The following KCNIP1 variants were observed in gnomAD, a reference collection of about 807,000 sequenced individuals.
KCNIP1 encodes the protein potassium voltage-gated channel interacting protein 1, also known as A-type potassium channel modulatory protein KCNIP1.
KCNIP1 carries 18 observed loss-of-function variants against 33.0 expected under a neutral mutation model. The observed-to-expected ratio is 0.55, with a 90% CI of 0.38 to 0.81. The LOEUF is 0.81. Ranked by LOEUF, KCNIP1 falls within the 30% of genes least tolerant of loss-of-function variation. The pLI, the probability that KCNIP1 is intolerant of heterozygous loss-of-function variation, is 0.00. For synonymous variants in KCNIP1, 93 were observed against 98.3 expected (o/e 0.95, Z 0.32); for missense variants, 238 against 271.6 (o/e 0.88, Z 0.87).
intron 1 of KCNIP1, among the ~76,000 whole-genome samples, chr5:170,679,859 C>A (rs557814770): frequency 6.6e-6 from 1 of 151,836 alleles, no homozygotes; most frequent in African/African-American, 2.4e-5. Flanking sequence ...GTTTTCTCAC[C>A]GATGAGCATG....
At chr5:170,651,098 G>A (rs552787591) in intron 1 of KCNIP1, among the ~76,000 whole-genome samples, 1 of 152,268 alleles carries the variant, frequency 6.6e-6, no homozygotes, top group African/African-American at 2.4e-5. Context: ...CAGAGGGCGT[G>A]GACTATTCTT....
intron 1 of KCNIP1, among the ~76,000 whole-genome samples, chr5:170,371,366 T>A (rs1282672376): frequency 6.6e-6 from 1 of 152,138 alleles, no homozygotes; most frequent in Non-Finnish European, 1.5e-5. Flanking sequence ...GGGAGTCAAT[T>A]GAGAGCCTGG....
At chr5:170,710,503 A>G (rs980233995) in intron 1 of KCNIP1, among the ~76,000 whole-genome samples, 6 of 152,246 alleles carry the variant, frequency 3.9e-5, no homozygotes, top group South Asian at 2.1e-4. Context: ...GTCTCTTAAT[A>G]TGCCTGACAG....
intron 1 of KCNIP1, among the ~76,000 whole-genome samples, chr5:170,708,016 G>A (rs1027893241): frequency 2.0e-5 from 3 of 152,050 alleles, no homozygotes; most frequent in Non-Finnish European, 2.9e-5. Flanking sequence ...AGCACTCCTG[G>A]GGCTCATTGT....
rs80352000 is a variant in KCNIP1 at position 170,691,956 on chromosome 5, C to A, written c.62-26802C>A. 5.9e-3 allele frequency among the ~76,000 whole-genome samples: 897 copies of A among 152,288 alleles called. 9 individuals carry two copies. Among genetic ancestry groups the A allele is most frequent in the African/African-American group, 0.02 (847 of 41,542 alleles). ...TAATTATTGTTCCCTATGGGATATT[C>A]CCCACTGCTTCCTCCAATCCTCTTT... On this transcript the variant is annotated intron_variant, in intron 1 of 7. Transcript: ENST00000328939.
intron 1 of KCNIP1, among the ~76,000 whole-genome samples, chr5:170,632,974 G>A (rs1287251107): frequency 1.6e-5 from 2 of 127,984 alleles, no homozygotes; most frequent in Non-Finnish European, 3.6e-5. Context: ...GTTGAACCTG[G>A]AAGAGGCCAT....
At chr5:170,654,796 C>T (rs1233632180) in intron 1 of KCNIP1, among the ~76,000 whole-genome samples, 2 of 152,218 alleles carry the variant, frequency 1.3e-5, no homozygotes, top group African/African-American at 4.8e-5. Flanking sequence ...CTTGCATTCA[C>T]ATCATCTGGT....
At chr5:170,720,496 GAGA>G in intron 3 of KCNIP1, 106 bp downstream of exon 3, 1 of 888,700 alleles carries the variant, frequency 1.1e-6, no homozygotes, top group Non-Finnish European at 1.9e-6. Context: ...TCTCGAGGAA[GAGA>G]CAAACTCAGG....
At chr5:170,387,637 GC>G (rs1455404813) in intron 1 of KCNIP1, among the ~76,000 whole-genome samples, 1 of 152,146 alleles carries the variant, frequency 6.6e-6, no homozygotes, top group Non-Finnish European at 1.5e-5. Flanking sequence ...AGCAGAAATT[GC>G]CCCCGACAAA....
intron 1 of KCNIP1, among the ~76,000 whole-genome samples, chr5:170,552,010 A>T (rs1756664670): frequency 7.1e-6 from 1 of 141,296 alleles, no homozygotes; most frequent in African/African-American, 2.9e-5. Flanking sequence ...TGTGTGTGTG[A>T]GTGTGAGAGA....
intron 1 of KCNIP1, among the ~76,000 whole-genome samples, chr5:170,486,799 A>G (rs1348080990): frequency 6.6e-6 from 1 of 152,174 alleles, no homozygotes; most frequent in Non-Finnish European, 1.5e-5. Context: ...TGCCTGCCCC[A>G]GCCAGCTTTC....
intron 1 of KCNIP1, among the ~76,000 whole-genome samples, chr5:170,602,453 CA>C (rs1758732425): frequency 1.3e-5 from 2 of 152,210 alleles, no homozygotes; most frequent in African/African-American, 4.8e-5. Context: ...TGCCCAGTTA[CA>C]GCAGTTGGAA....
intron 5 of KCNIP1, among the ~76,000 whole-genome samples, chr5:170,731,901 A>AAG (rs1764217071): frequency 5.1e-5 from 1 of 19,548 alleles, no homozygotes; most frequent in Non-Finnish European, 1.1e-4. Context: ...AAAAAAAAAA[A>AAG]AGAAAAGCTG....
At chr5:170,494,667 C>T (rs539798756) in intron 1 of KCNIP1, among the ~76,000 whole-genome samples, 18 of 152,310 alleles carry the variant, frequency 1.2e-4, no homozygotes, top group African/African-American at 4.3e-4. Flanking sequence ...TCTTCACAGC[C>T]ACTCTTCTCT....
intron 1 of KCNIP1, among the ~76,000 whole-genome samples, chr5:170,426,502 A>G (rs79723897): frequency 0.11 from 16,680 of 152,298 alleles, 1,023 homozygotes; most frequent in Middle Eastern, 0.19. Context: ...TCCTAGATCC[A>G]GCAGTTACTG....
chr5:170,685,528 G>A (rs952438295), intron 1 of KCNIP1, among the ~76,000 whole-genome samples: 15 of 151,538 alleles, frequency 9.9e-5, no homozygotes, highest in African/African-American at 2.9e-4. Context: ...TCACTCTGTC[G>A]CCCAGGCTGA....
chr5:170,583,066 G>T (rs1332484331), intron 1 of KCNIP1, among the ~76,000 whole-genome samples: 1 of 152,116 alleles, frequency 6.6e-6, no homozygotes, highest in African/African-American at 2.4e-5. Flanking sequence ...TGGGTGGGAG[G>T]GCTTTCACTC....
At chr5:170,612,802 C>T (rs949523641) in intron 1 of KCNIP1, among the ~76,000 whole-genome samples, 3 of 152,112 alleles carry the variant, frequency 2.0e-5, no homozygotes, top group East Asian at 1.9e-4. Context: ...AGATAATGGC[C>T]GTGTGTCCTG....
At position 170,648,612 on chromosome 5, in the gene KCNIP1, G is replaced by A. The variant is rs1310873963; in HGVS notation, c.62-70146G>A. Among the ~76,000 whole-genome samples the A allele has an allele frequency of 2.0e-5, 3 of 152,212 alleles. No individual in the cohort carries two copies. In the East Asian group the frequency reaches 5.8e-4, roughly 29 times the overall value. On this transcript the variant is annotated intron_variant, in intron 1 of 7. Coordinates refer to ENST00000328939, the MANE Select transcript of KCNIP1 (RefSeq NM_014592.4). The stretch of plus-strand genomic sequence containing the variant: ...GGCTGGTTTCCAGGGTTGTGGGGAG[G>A]AAGGGATGATTAGGTGGAGCACAAA...
Sources: gnomAD v4.1 joint callset for allele counts (sites outside exome capture counted in the v4.1 genomes callset) on GRCh38, gnomAD v4.1.1 for gene constraint, MANE v1.5 for transcripts, NCBI Gene and HGNC (gene_info 2026-07-23, HGNC 2026-07-21) for gene names.